The following PLPP4 variants were observed in gnomAD, a reference collection of about 807,000 sequenced individuals.
The protein encoded by PLPP4 is phospholipid phosphatase 4.
PLPP4 carries 20 observed loss-of-function variants against 32.2 expected under a neutral mutation model. The ratio of observed to expected loss-of-function variants is 0.62; its 90% confidence interval spans 0.44 to 0.90. The LOEUF (loss-of-function observed/expected upper bound fraction) is 0.90, where lower values mean the gene tolerates loss of function less well. Ranked by LOEUF, PLPP4 falls within the 40% of genes least tolerant of loss-of-function variation. The pLI is 0.00. For missense variants in PLPP4, 257 were observed against 353.1 expected (o/e 0.73, Z 2.18); for synonymous variants, 127 against 133.0 (o/e 0.95, Z 0.31).
chr10:120,494,338 C>G (rs1844864130), intron 1 of PLPP4, among the ~76,000 whole-genome samples: 1 of 152,182 alleles, frequency 6.6e-6, no homozygotes, highest in Non-Finnish European at 1.5e-5. Context: ...AGAGATGAGG[C>G]AACTGAGGCC....
Position 120,538,082 on chromosome 10 carries a change from G to GTT in PLPP4, c.445+16988_445+16989insTT, listed in dbSNP as rs1847148634. On this transcript the variant is annotated intron_variant, in intron 5 of 6. Transcript: ENST00000398250. Reference sequence around the variant, plus strand: ...TGTGTGTGTGTGTGTGTGTGTGTGTGTGTTTTCAGATTCATATCTAGTATG... The same window carrying GTT: ...TGTGTGTGTGTGTGTGTGTGTGTGTGTTTGTTTTCAGATTCATATCTAGTATG... Among the ~76,000 whole-genome samples, 4 of 128,026 alleles carry GTT rather than the reference G, an allele frequency of 3.1e-5. 1 individual carries two copies. Among genetic ancestry groups the GTT allele is most frequent in the Non-Finnish European group, 6.6e-5 (4 of 60,172 alleles). The allele number at this position is 128,026 out of a possible 152,430, so 84.0% of individuals were successfully genotyped here.
intron 2 of PLPP4, among the ~76,000 whole-genome samples, chr10:120,505,060 C>G (rs137897552): frequency 6.6e-6 from 1 of 152,226 alleles, no homozygotes; most frequent in Non-Finnish European, 1.5e-5. Context: ...AGGCTTTTTG[C>G]GGAGAGCTTA....
At chr10:120,472,972 G>A (rs1468529938) in intron 1 of PLPP4, among the ~76,000 whole-genome samples, 1 of 152,112 alleles carries the variant, frequency 6.6e-6, no homozygotes, top group African/African-American at 2.4e-5. Flanking sequence ...TAGTTTCTCT[G>A]TTGAAGTTTT....
chr10:120,580,544 G>A (rs77393814), intron 6 of PLPP4, among the ~76,000 whole-genome samples: 7,400 of 151,994 alleles, frequency 0.049, 235 homozygotes, highest in Admixed American at 0.091. Flanking sequence ...AGGGAGGGGT[G>A]TAAATCCAGC....
At chr10:120,473,587 G>A (rs1843758765) in intron 1 of PLPP4, among the ~76,000 whole-genome samples, 1 of 152,120 alleles carries the variant, frequency 6.6e-6, no homozygotes, top group South Asian at 2.1e-4. Context: ...CCCCTTCTGA[G>A]GCTGATATGG....
chr10:120,513,392 G>A (rs559628222), intron 2 of PLPP4, among the ~76,000 whole-genome samples: 1 of 152,292 alleles, frequency 6.6e-6, no homozygotes, highest in East Asian at 1.9e-4. Context: ...TCTATGTGGA[G>A]GAAAGGGTAT....
intron 5 of PLPP4, among the ~76,000 whole-genome samples, chr10:120,529,058 A>G (rs1358321804): frequency 1.3e-5 from 2 of 151,704 alleles, no homozygotes; most frequent in African/African-American, 2.4e-5. Flanking sequence ...CCAATTACCA[A>G]TTTTCATCTC....
chr10:120,462,033 A>G (rs1848073373), intron 1 of PLPP4, among the ~76,000 whole-genome samples: 1 of 152,198 alleles, frequency 6.6e-6, no homozygotes, highest in Admixed American at 6.5e-5. Context: ...TGCTGGGGAC[A>G]GTTGGAGCAA....
At chr10:120,524,016 A>G (rs941273210) in intron 5 of PLPP4, among the ~76,000 whole-genome samples, 7 of 152,220 alleles carry the variant, frequency 4.6e-5, no homozygotes, top group African/African-American at 1.7e-4. Context: ...GCCTTGTCAA[A>G]TGGTGGCTGA....
chr10:120,503,824 A>T lies in PLPP4; in HGVS notation c.63A>T (p.Thr21=). The T allele has an allele frequency of 6.2e-7, 1 of 1,612,890 alleles. No individual in the cohort carries two copies. Among genetic ancestry groups the T allele is most frequent in the Non-Finnish European group, 8.5e-7 (1 of 1,179,168 alleles). ...TTTTCTTTTTATGTTTCAGTTTTAC[A>T]GAGTTTTTGGATCCGTTCCAGAGAG... The part of the protein sequence containing the change: ...RALLFGVFVF[T]EFLDPFQRVI... Residue 21 remains threonine (T), a synonymous_variant, in exon 2 of 7, where the codon ACA becomes ACT. Coordinates refer to ENST00000398250, the MANE Select transcript of PLPP4 (RefSeq NM_001030059.3).
In PLPP4 at chr10:120,561,131, G is replaced by A. The variant is rs112226748; in HGVS notation, c.446-14000G>A. Among the ~76,000 whole-genome samples, 1,296 of 152,288 alleles carry A rather than the reference G, an allele frequency of 8.5e-3. 23 individuals are homozygous for A. Among genetic ancestry groups the A allele is most frequent in the African/African-American group, 0.03 (1,244 of 41,568 alleles). On this transcript the variant is annotated intron_variant, in intron 5 of 6. Transcript: ENST00000398250. ...AGCGCTTTGGTCAAACAAGTATCCAGTCTAGGACTTATTATGTATTTGGAT... is the reference window on the plus strand; with the variant it reads ...AGCGCTTTGGTCAAACAAGTATCCAATCTAGGACTTATTATGTATTTGGAT...
intron 5 of PLPP4, among the ~76,000 whole-genome samples, chr10:120,565,153 A>G (rs908347567): frequency 6.6e-6 from 1 of 152,128 alleles, no homozygotes; most frequent in African/African-American, 2.4e-5. Context: ...TGGTATTTTA[A>G]TTCTAGCTTG....
At chr10:120,538,036 C>CTGTGTGTG (rs1406049216) in intron 5 of PLPP4, among the ~76,000 whole-genome samples, 2 of 55,928 alleles carry the variant, frequency 3.6e-5, no homozygotes, top group Admixed American at 2.2e-4. Context: ...CTCTCTCTCT[C>CTGTGTGTG]TCTCTCTCTC....
chr10:120,584,991 T>C (rs1849686902), intron 6 of PLPP4, among the ~76,000 whole-genome samples: 1 of 152,260 alleles, frequency 6.6e-6, no homozygotes, highest in Non-Finnish European at 1.5e-5. Context: ...TGGTCAATGA[T>C]CCACCTAATG....
At chr10:120,570,651 A>G (rs1326985769) in intron 5 of PLPP4, among the ~76,000 whole-genome samples, 7 of 152,164 alleles carry the variant, frequency 4.6e-5, no homozygotes, top group Admixed American at 3.3e-4. Flanking sequence ...GGATGAAGTT[A>G]AACTATAACA....
At chr10:120,521,565 T>G (rs1305734323) in intron 5 of PLPP4, among the ~76,000 whole-genome samples, 3 of 152,184 alleles carry the variant, frequency 2.0e-5, no homozygotes, top group Non-Finnish European at 4.4e-5. Context: ...GTTTATAGTC[T>G]GACTATAGAT....
intron 1 of PLPP4, among the ~76,000 whole-genome samples, chr10:120,459,143 C>T (rs1041168): frequency 0.28 from 41,980 of 152,114 alleles, 6,507 homozygotes; most frequent in African/African-American, 0.41. Flanking sequence ...TGCTTATGCG[C>T]GTCTTGCTTT....
intron 5 of PLPP4, among the ~76,000 whole-genome samples, chr10:120,545,483 GC>G (rs2133972582): frequency 6.6e-6 from 1 of 152,234 alleles, no homozygotes; most frequent in East Asian, 1.9e-4. Context: ...CTCATAGCAG[GC>G]CCAGAAAAGG....
chr10:120,555,058 G>T (rs1015684658), intron 5 of PLPP4, among the ~76,000 whole-genome samples: 1 of 152,030 alleles, frequency 6.6e-6, no homozygotes, highest in African/African-American at 2.4e-5. Context: ...ATCTCCCAGT[G>T]GCTGTCAGAT....
Sources: allele counts gnomAD v4.1 joint callset (sites outside exome capture counted in the v4.1 genomes callset), GRCh38; gene constraint gnomAD v4.1.1; transcripts MANE v1.5; gene names NCBI Gene and HGNC (gene_info 2026-07-23, HGNC 2026-07-21).